Variants in STAG2 observed in about 807,000 individuals in gnomAD.
STAG2 encodes the protein STAG2 cohesin complex component, also known as cohesin subunit SA-2.
In STAG2, 14 loss-of-function variants were observed where a neutral mutation model predicts 108.1. The ratio of observed to expected loss-of-function variants is 0.13; its 90% CI spans 0.09 to 0.20. The LOEUF is 0.20. STAG2 is among the 10% of genes least tolerant of loss of function. The pLI, the probability that STAG2 is intolerant of heterozygous loss-of-function variation, is 1.00. For missense variants in STAG2, 440 were observed against 940.9 expected (o/e 0.47, Z 6.96); for synonymous variants, 307 against 302.7 (o/e 1.01, Z -0.15).
intron 30 of STAG2, 38 bp from the exon 31 acceptor site, chrX:124,090,537 A>G (rs2148488295): frequency 8.8e-7 from 1 of 1,135,886 alleles, no homozygotes; most frequent in Non-Finnish European, 1.2e-6. Flanking sequence ...AATAGTCAAA[A>G]TTAGTGACTA....
chrX:124,004,823 T>A (rs1380627012), intron 1 of STAG2, among the ~76,000 whole-genome samples: 2 of 111,731 alleles, frequency 1.8e-5, no homozygotes, highest in Admixed American at 9.6e-5. Flanking sequence ...TGTTGCAGAA[T>A]TAGGAGCAAA....
At chrX:124,075,526 G>A (rs182482146) in intron 25 of STAG2, among the ~76,000 whole-genome samples, 21 of 111,968 alleles carry the variant, frequency 1.9e-4, no homozygotes, top group South Asian at 7.4e-4. Flanking sequence ...CGCCTGCTTT[G>A]GCCTCCCAAA....
At chrX:124,075,864 G>A (rs1311673084) in intron 25 of STAG2, among the ~76,000 whole-genome samples, 1 of 111,599 alleles carries the variant, frequency 9.0e-6, no homozygotes, top group Non-Finnish European at 1.9e-5. Flanking sequence ...AGACAGAATG[G>A]TTTCTGGGGC....
At chrX:124,035,091 G>A (rs190393188) in intron 5 of STAG2, among the ~76,000 whole-genome samples, 14 of 109,940 alleles carry the variant, frequency 1.3e-4, no homozygotes, top group African/African-American at 3.3e-4. Context: ...TGGTAGAGAC[G>A]GAGCTTCATC....
rs374627302 is a variant in STAG2 at position 124,090,684 on chromosome X, C to G, written c.3387C>G (p.Pro1129=). 8.3e-7 allele frequency: 1 copy of G among 1,209,573 alleles called. No homozygotes were observed. Reference sequence around the variant, plus strand: ...TCACCTCCACTATTATGAGAGAGCCCAAAAGATTACGGCCTGAGGATAGCT... The same window carrying G: ...TCACCTCCACTATTATGAGAGAGCCGAAAAGATTACGGCCTGAGGATAGCT... ...PQLTSTIMRE[P]KRLRPEDSFM... Residue 1129 remains proline, a synonymous_variant, in exon 31 of 35, where the codon CCC becomes CCG. Coordinates refer to ENST00000371145, the MANE Select transcript of STAG2 (RefSeq NM_001042750.2).
chrX:124,076,310 A>G, intron 25 of STAG2, 22 bp from the exon 26 acceptor site: 1 of 1,203,199 alleles, frequency 8.3e-7, no homozygotes, highest in Non-Finnish European at 1.1e-6. Flanking sequence ...AAGATGCTTA[A>G]TGTTTGGGAC....
rs924260214 is a variant in STAG2 at position 124,088,170 on chromosome X, ATCTC to A, written c.3277+1410_3277+1413del. Among the ~76,000 whole-genome samples, 12 of 110,821 alleles carry A rather than the reference ATCTC, an allele frequency of 1.1e-4. No individual in the cohort carries two copies. The South Asian group carries it at 1.5e-3, about 14-fold the overall frequency. ...TTATAGGTGTGTGCTGGGCCATCAAATCTCTCTCTCTCTTTTTTTTTAGACCTCA... is the reference window on the plus strand; with the variant it reads ...TTATAGGTGTGTGCTGGGCCATCAAATCTCTCTCTTTTTTTTTAGACCTCA... On this transcript the variant is annotated intron_variant, in intron 30 of 34. Transcript: ENST00000371145.
chrX:124,027,782 T>C (rs1477547549), intron 4 of STAG2, among the ~76,000 whole-genome samples: 1 of 112,251 alleles, frequency 8.9e-6, no homozygotes, highest in Non-Finnish European at 1.9e-5. Flanking sequence ...GGTTAAAGGA[T>C]TTGAGTTCAG....
At chrX:124,056,348 A>G (rs1019029813) in intron 14 of STAG2, 113 bp downstream of exon 14, 1 of 360,214 alleles carries the variant, frequency 2.8e-6, no homozygotes, top group Non-Finnish European at 4.4e-6. Flanking sequence ...AAAAATTACT[A>G]CAGATCATAT....
At chrX:123,969,567 T>C (rs139242655) in intron 1 of STAG2, among the ~76,000 whole-genome samples, 1,673 of 111,585 alleles carry the variant, frequency 0.015, 34 homozygotes, top group African/African-American at 0.052. Flanking sequence ...CTTACTGTTA[T>C]CAGGTGATAA....
chrX:124,002,469 C>A (rs1172885560), intron 1 of STAG2, among the ~76,000 whole-genome samples: 1 of 111,339 alleles, frequency 9.0e-6, no homozygotes, highest in Non-Finnish European at 1.9e-5. Flanking sequence ...TTGTATCTTT[C>A]CTGTAGATAC....
chrX:123,975,158 C>T (rs1032639127), intron 1 of STAG2, among the ~76,000 whole-genome samples: 1 of 111,237 alleles, frequency 9.0e-6, no homozygotes, highest in African/African-American at 3.3e-5. Context: ...TTTTTGTAGT[C>T]TAAAGAAATA....
chrX:124,063,729 C>T (rs1221704648), intron 19 of STAG2, 119 bp from the exon 20 acceptor site: 5 of 496,742 alleles, frequency 1.0e-5, no homozygotes, highest in African/African-American at 9.7e-5. Flanking sequence ...TTAAAATGTA[C>T]GCTCTGTGTT....
At chrX:123,999,094 C>G (rs927022703) in intron 1 of STAG2, among the ~76,000 whole-genome samples, 20 of 111,660 alleles carry the variant, frequency 1.8e-4, no homozygotes, top group Non-Finnish European at 3.2e-4. Context: ...GAGACTCTGT[C>G]TCTAAAAAAA....
chrX:124,054,508 A>T (rs1011106884), intron 13 of STAG2, among the ~76,000 whole-genome samples: 1 of 111,959 alleles, frequency 8.9e-6, no homozygotes, highest in African/African-American at 3.2e-5. Context: ...GTATATAAAA[A>T]TTTTGAAAGA....
At chrX:124,039,786 G>A (rs1006559763) in intron 6 of STAG2, among the ~76,000 whole-genome samples, 6 of 108,990 alleles carry the variant, frequency 5.5e-5, no homozygotes, top group East Asian at 5.7e-4. Context: ...CACCCCTCCC[G>A]CCTGAGTTTC....
chrX:123,981,658 A>G (rs2054881667), intron 1 of STAG2, among the ~76,000 whole-genome samples: 1 of 111,601 alleles, frequency 9.0e-6, no homozygotes. Context: ...AAGTCACTGC[A>G]TTCGATTCTT....
At chrX:123,963,515 A>G (rs760274028) in intron 1 of STAG2, 2 of 110,849 alleles carry the variant, frequency 1.8e-5, no homozygotes, top group Non-Finnish European at 3.8e-5. Flanking sequence ...ATATCAATCT[A>G]TAATTAGGGA....
intron 29 of STAG2, 76 bp downstream of exon 29, chrX:124,083,625 T>G: frequency 1.2e-6 from 1 of 831,289 alleles, no homozygotes; most frequent in Non-Finnish European, 1.6e-6. Flanking sequence ...TTGGTTTCTC[T>G]CCTTTCTACT....
Sources: gnomAD v4.1 joint callset for allele counts (sites outside exome capture counted in the v4.1 genomes callset) on GRCh38, gnomAD v4.1.1 for gene constraint, MANE v1.5 for transcripts, NCBI Gene and HGNC (gene_info 2026-07-23, HGNC 2026-07-21) for gene names.